HRH1: variants seen among roughly 807,000 people sequenced by gnomAD.
The protein encoded by HRH1 is histamine H1 receptor.
Under a neutral mutation model 10.3 loss-of-function variants are expected in HRH1, and 6 were observed. The ratio of observed to expected loss-of-function variants is 0.58; its 90% CI spans 0.32 to 1.15. The LOEUF is 1.15. Among genes scored for constraint, HRH1 ranks in the 50% most tolerant of loss-of-function variants. The pLI, the probability that HRH1 is intolerant of heterozygous loss-of-function variation, is 0.05. For missense variants in HRH1, 514 were observed against 615.3 expected (o/e 0.84, Z 1.74); for synonymous variants, 242 against 236.7 (o/e 1.02, Z -0.21).
chr3:11,167,215 C>A (rs1313562776), intron 1 of HRH1, among the ~76,000 whole-genome samples: 20 of 128,662 alleles, frequency 1.6e-4, no homozygotes, highest in Admixed American at 2.3e-4. Context: ...TGTCCCCTGG[C>A]TTCTCCAGGC....
upstream of HRH1, among the ~76,000 whole-genome samples, chr3:11,153,821 A>G (rs1936709040): frequency 6.6e-6 from 1 of 151,996 alleles, no homozygotes; most frequent in African/African-American, 2.4e-5. Flanking sequence ...AACACATCCT[A>G]TTTTGAAATG....
At chr3:11,146,819 C>T (rs1344491297) in intron 1 of HRH1, among the ~76,000 whole-genome samples, 1 of 152,164 alleles carries the variant, frequency 6.6e-6, no homozygotes, top group African/African-American at 2.4e-5. Flanking sequence ...GCAGCCATGG[C>T]AGCTAAGCAA....
At chr3:11,233,423 G>A (rs781580156) in intron 1 of HRH1, among the ~76,000 whole-genome samples, 1 of 151,890 alleles carries the variant, frequency 6.6e-6, no homozygotes, top group South Asian at 2.1e-4. Flanking sequence ...TTTTGTTGTT[G>A]TTGTTGTTTT....
chr3:11,252,487 G>C (rs977709762), intron 1 of HRH1, among the ~76,000 whole-genome samples: 2 of 152,162 alleles, frequency 1.3e-5, no homozygotes, highest in Non-Finnish European at 2.9e-5. Context: ...TAAATATGGA[G>C]ACTCCGTAAA....
intron 1 of HRH1, among the ~76,000 whole-genome samples, chr3:11,222,924 C>A (rs906036926): frequency 1.3e-5 from 2 of 151,906 alleles, no homozygotes; most frequent in African/African-American, 4.8e-5. Flanking sequence ...CGGTGGCTCA[C>A]GCCTGTAATC....
At chr3:11,212,616 C>A (rs1454925696) in intron 1 of HRH1, among the ~76,000 whole-genome samples, 2 of 152,216 alleles carry the variant, frequency 1.3e-5, no homozygotes, top group East Asian at 1.9e-4. Flanking sequence ...TAACTCACAT[C>A]TTGCCCTTCC....
chr3:11,251,046 T>A (rs1575043715), intron 1 of HRH1, among the ~76,000 whole-genome samples: 1 of 152,182 alleles, frequency 6.6e-6, no homozygotes, highest in Non-Finnish European at 1.5e-5. Context: ...GTACCCATCT[T>A]CCCTCGTGAC....
intron 1 of HRH1, among the ~76,000 whole-genome samples, chr3:11,258,242 CAAAAA>C (rs33992856): frequency 1.3e-5 from 1 of 76,402 alleles, no homozygotes; most frequent in South Asian, 5.3e-4. Context: ...TGATGTAAGC[CAAAAA>C]AAAAAAAAAA....
At chr3:11,150,045 C>T (rs186734529), upstream of HRH1, among the ~76,000 whole-genome samples, 5 of 152,362 alleles carry the variant, frequency 3.3e-5, no homozygotes, top group Non-Finnish European at 7.3e-5. Context: ...GAAAGATCAA[C>T]TTAATTTCAC....
In HRH1 at chr3:11,147,267, C is replaced by G. The variant is rs748607539; in HGVS notation, c.-36+9868C>G. Among the ~76,000 whole-genome samples the G allele has an allele frequency of 2.0e-5, 3 of 152,136 alleles. No homozygotes were observed. The East Asian group carries it at 5.8e-4, about 29-fold the overall frequency. On this transcript the variant is annotated intron_variant, in intron 1 of 1. Transcript: ENST00000438284. ...CCCAGGGCCTGCCACAGAGTAGGGA[C>G]TTGATGAAGATTTGTTAAATATTGT...
chr3:11,171,494 A>T (rs879559876), intron 1 of HRH1, among the ~76,000 whole-genome samples: 5 of 152,002 alleles, frequency 3.3e-5, no homozygotes, highest in African/African-American at 9.7e-5. Context: ...CACCAATGTG[A>T]CTCAGGAGCT....
intron 1 of HRH1, among the ~76,000 whole-genome samples, chr3:11,242,425 T>C (rs1405662166): frequency 1.5e-5 from 2 of 129,998 alleles, no homozygotes; most frequent in African/African-American, 2.9e-5. Flanking sequence ...GAGCTTGCAG[T>C]AGCCAAGATC....
intron 1 of HRH1, among the ~76,000 whole-genome samples, chr3:11,143,719 C>A (rs906025058): frequency 3.3e-5 from 5 of 152,142 alleles, no homozygotes; most frequent in Non-Finnish European, 5.9e-5. Flanking sequence ...TCATCTCCCC[C>A]ACATTCTCCA....
intron 1 of HRH1, among the ~76,000 whole-genome samples, chr3:11,176,374 G>T (rs1199070358): frequency 6.6e-6 from 1 of 152,130 alleles, no homozygotes. Flanking sequence ...CCATATCATT[G>T]TGATAATCCA....
At chr3:11,218,132 G>A (rs1032657144) in intron 1 of HRH1, among the ~76,000 whole-genome samples, 1 of 152,226 alleles carries the variant, frequency 6.6e-6, no homozygotes, top group Non-Finnish European at 1.5e-5. Flanking sequence ...GTAGTATCTA[G>A]GTATGTACAT....
At chr3:11,257,252 TAAAA>T (rs756942955) in intron 1 of HRH1, among the ~76,000 whole-genome samples, 2 of 80,154 alleles carry the variant, frequency 2.5e-5, no homozygotes. Context: ...GACTCTGTCC[TAAAA>T]AAAAAAAAAA....
chr3:11,226,965 G>A (rs1221486491), intron 1 of HRH1, among the ~76,000 whole-genome samples: 1 of 152,182 alleles, frequency 6.6e-6, no homozygotes, highest in Non-Finnish European at 1.5e-5. Context: ...GTGGGGCCAG[G>A]GTGCTTCTGT....
rs772703987 is a variant in HRH1 at position 11,259,588 on chromosome 3, T to G, written c.551T>G (p.Phe184Cys). The G allele has an allele frequency of 6.2e-7, 1 of 1,614,092 alleles. No homozygotes were observed. The highest frequency in any genetic ancestry group is 1.1e-5 in the South Asian group (1 of 91,078). The change falls in exon 2 of 2, where the codon TTC becomes TGC. Residue 184 changes from phenylalanine to cysteine, a missense_variant. Transcript: ENST00000431010. The surrounding 1 kb of genome is among the most constrained non-coding windows in gnomAD (Gnocchi z 4.6). The part of the protein sequence containing the change: ...VRREDKCETD[F>C]YDVTWFKVMT... ...CGAGAGGACAAGTGTGAGACAGACTTCTATGATGTCACCTGGTTCAAGGTC... is the reference window on the plus strand; with the variant it reads ...CGAGAGGACAAGTGTGAGACAGACTGCTATGATGTCACCTGGTTCAAGGTC...
chr3:11,161,112 C>T (rs1201945581), intron 1 of HRH1, among the ~76,000 whole-genome samples: 2 of 152,100 alleles, frequency 1.3e-5, no homozygotes, highest in East Asian at 1.9e-4. Context: ...CTCCTCCTGC[C>T]CTGCCTGTGG....
Sources: gnomAD v4.1 joint callset for allele counts (sites outside exome capture counted in the v4.1 genomes callset) on GRCh38, gnomAD v4.1.1 for gene constraint, Gnocchi (gnomAD v3.1) non-coding constraint, MANE v1.5 for transcripts, NCBI Gene and HGNC (gene_info 2026-07-23, HGNC 2026-07-21) for gene names.